The following BCAR3 variants were observed in gnomAD, a reference collection of about 807,000 sequenced individuals.
BCAR3 encodes BCAR3 adaptor protein, NSP family member.
In BCAR3, 37 loss-of-function variants were observed where a neutral mutation model predicts 80.1. The ratio of observed to expected loss-of-function variants is 0.46; its 90% CI spans 0.36 to 0.61. BCAR3 has a LOEUF of 0.61. Ranked by LOEUF, BCAR3 falls within the 20% of genes least tolerant of loss-of-function variation. The probability of loss-of-function intolerance (pLI) is 0.00; values close to 1 mark genes in which losing one functional copy is unlikely to be tolerated. For synonymous variants in BCAR3, 389 were observed against 418.9 expected (o/e 0.93, Z 0.87); for missense variants, 978 against 1,068.2 (o/e 0.92, Z 1.18).
intron 2 of BCAR3, among the ~76,000 whole-genome samples, chr1:93,730,228 G>C (rs1431633605): frequency 6.6e-6 from 1 of 151,976 alleles, no homozygotes; most frequent in African/African-American, 2.4e-5. Flanking sequence ...CCAACACCTG[G>C]CTCACTCCTG....
intron 3 of BCAR3, among the ~76,000 whole-genome samples, chr1:93,634,721 A>AAC (rs1491189357): frequency 2.0e-5 from 2 of 98,502 alleles, no homozygotes; most frequent in African/African-American, 9.1e-5. Context: ...CAACAACAAC[A>AAC]AAAAAAAAAC....
At chr1:93,651,983 G>A (rs577161404) in intron 2 of BCAR3, among the ~76,000 whole-genome samples, 5 of 152,264 alleles carry the variant, frequency 3.3e-5, no homozygotes, top group African/African-American at 9.6e-5. Flanking sequence ...CTGGCAGTGA[G>A]GCCAAAAAAA....
At chr1:93,833,655 GA>G (rs1263665697) in intron 2 of BCAR3, among the ~76,000 whole-genome samples, 1 of 152,190 alleles carries the variant, frequency 6.6e-6, no homozygotes, top group African/African-American at 2.4e-5. Flanking sequence ...TGCAAGAAGA[GA>G]AATATGACTC....
At chr1:93,682,641 G>T (rs753189698), upstream of BCAR3, among the ~76,000 whole-genome samples, 2 of 152,114 alleles carry the variant, frequency 1.3e-5, no homozygotes, top group African/African-American at 2.4e-5. Flanking sequence ...TGCAACCTCC[G>T]CCTCCCGGGT....
chr1:93,763,222 C>T (rs1470459181), intron 2 of BCAR3, among the ~76,000 whole-genome samples: 1 of 152,166 alleles, frequency 6.6e-6, no homozygotes, highest in Non-Finnish European at 1.5e-5. Flanking sequence ...CGTCACCACA[C>T]ATGGCTAATT....
intron 2 of BCAR3, among the ~76,000 whole-genome samples, chr1:93,809,483 A>AC (rs1290803813): frequency 1.3e-5 from 2 of 152,018 alleles, no homozygotes; most frequent in South Asian, 2.1e-4. Flanking sequence ...ATCATTAAAG[A>AC]CCTGCTGGGC....
At chr1:93,725,304 A>G (rs747362128) in intron 2 of BCAR3, among the ~76,000 whole-genome samples, 2 of 152,248 alleles carry the variant, frequency 1.3e-5, no homozygotes, top group South Asian at 2.1e-4. Flanking sequence ...GTGAAATATT[A>G]TAAGATTAGA....
At chr1:93,653,308 G>A (rs550794815) in intron 2 of BCAR3, among the ~76,000 whole-genome samples, 3 of 152,296 alleles carry the variant, frequency 2.0e-5, no homozygotes, top group East Asian at 3.9e-4. Flanking sequence ...AAAAGCTAGC[G>A]CCAACTACTG....
chr1:93,692,607 C>T (rs1046668191), intron 3 of BCAR3, among the ~76,000 whole-genome samples: 2 of 152,096 alleles, frequency 1.3e-5, no homozygotes, highest in African/African-American at 2.4e-5. Context: ...TTTTTATAGA[C>T]GAGAAAATGA....
intron 8 of BCAR3, among the ~76,000 whole-genome samples, chr1:93,574,584 CTGAA>C (rs1463759335): frequency 6.6e-6 from 1 of 152,204 alleles, no homozygotes; most frequent in Non-Finnish European, 1.5e-5. Context: ...TCCCAGCACA[CTGAA>C]TGATACTAAG....
chr1:93,562,546 G>C (rs948624564), intron 11 of BCAR3, 127 bp from the exon 12 acceptor site: 2 of 682,214 alleles, frequency 2.9e-6, no homozygotes, highest in Admixed American at 6.0e-5. Flanking sequence ...GAGGTGGGTG[G>C]ATCACAAGAT....
chr1:93,796,345 A>G (rs2100781045), intron 2 of BCAR3, among the ~76,000 whole-genome samples: 1 of 142,462 alleles, frequency 7.0e-6, no homozygotes, highest in Non-Finnish European at 1.5e-5. Flanking sequence ...CAGGTGTGGG[A>G]TATAGTCTCG....
intron 2 of BCAR3, among the ~76,000 whole-genome samples, chr1:93,815,195 C>CAA (rs1200913217): frequency 6.6e-6 from 1 of 152,208 alleles, no homozygotes; most frequent in Non-Finnish European, 1.5e-5. Flanking sequence ...CTGCACTTAT[C>CAA]ACCTCCCAGG....
At chr1:93,676,387 G>A (rs1648490380) in intron 1 of BCAR3, among the ~76,000 whole-genome samples, 2 of 152,204 alleles carry the variant, frequency 1.3e-5, no homozygotes, top group South Asian at 4.1e-4. Context: ...TGAGATAGGG[G>A]AAAGTACAGA....
intron 2 of BCAR3, among the ~76,000 whole-genome samples, chr1:93,806,184 T>C (rs2100796254): frequency 6.6e-6 from 1 of 152,316 alleles, no homozygotes; most frequent in East Asian, 1.9e-4. Context: ...CTACCGACTC[T>C]GAAATTTTGC....
At chr1:93,799,570 T>C (rs1020366363) in intron 2 of BCAR3, among the ~76,000 whole-genome samples, 3 of 152,248 alleles carry the variant, frequency 2.0e-5, no homozygotes, top group Non-Finnish European at 4.4e-5. Context: ...TTCCCAAATG[T>C]TTTATTTCTG....
At chr1:93,634,716 AC>A (rs879617112) in intron 3 of BCAR3, among the ~76,000 whole-genome samples, 4,392 of 122,746 alleles carry the variant, frequency 0.036, 70 homozygotes, top group African/African-American at 0.059. Context: ...AACAACAACA[AC>A]AACAAAAAAA....
chr1:93,573,441 T>TAATA (rs904070122), intron 8 of BCAR3, among the ~76,000 whole-genome samples: 1 of 151,904 alleles, frequency 6.6e-6, no homozygotes, highest in Non-Finnish European at 1.5e-5. Context: ...GGCGGGCACC[T>TAATA]AATAAATAGC....
chr1:93,563,805 G>A (rs969109105), intron 11 of BCAR3, among the ~76,000 whole-genome samples: 1 of 152,266 alleles, frequency 6.6e-6, no homozygotes, highest in Admixed American at 6.5e-5. Flanking sequence ...CAATTCTCCT[G>A]CCTCAGCCTC....
Sources: allele counts gnomAD v4.1 joint callset (sites outside exome capture counted in the v4.1 genomes callset), GRCh38; gene constraint gnomAD v4.1.1; transcripts MANE v1.5; gene names NCBI Gene and HGNC (gene_info 2026-07-23, HGNC 2026-07-21).